Variants in C20orf173 observed in about 807,000 individuals in gnomAD.
C20orf173 encodes the protein uncharacterized protein C20orf173.
A neutral mutation model predicts 26.7 loss-of-function variants in C20orf173; 22 were observed. The ratio of observed to expected loss-of-function variants is 0.82; its 90% confidence interval spans 0.59 to 1.18. The LOEUF (loss-of-function observed/expected upper bound fraction) is 1.18. C20orf173 is among the 50% of genes most tolerant of loss of function. C20orf173 has a pLI of 0.00. For synonymous variants in C20orf173, 85 were observed against 96.4 expected, an observed-to-expected ratio of 0.88 and a Z score of 0.69; for missense variants, 210 against 250.3, an observed-to-expected ratio of 0.84 and a Z score of 1.09.
At chr20:35,528,179 C>T (rs2064517202) in intron 5 of C20orf173, 54 bp downstream of exon 5, 1 of 1,483,404 alleles carries the variant, frequency 6.7e-7, no homozygotes. Flanking sequence ...GACCTGGGGC[C>T]CTTCCCACAG....
chr20:35,529,410 G>T lies in C20orf173; in HGVS notation c.-37C>A. 2.7e-6 allele frequency: 4 copies of T among 1,493,752 alleles called. No homozygotes were observed. Among genetic ancestry groups the T allele is most frequent in the South Asian group, 2.6e-5 (2 of 75,646 alleles). The allele number at this position is 1,493,752 out of a possible 1,614,324, so 92.5% of individuals were successfully genotyped here. ...GCGGTGGCTCCCGTGGTGGGCCGTA[G>T]ACTGGCTTCTCTACCTGTAAGGATG... is the stretch of plus-strand genomic sequence containing the variant. On this transcript the variant is annotated 5_prime_UTR_variant, in exon 2 of 6. Transcript: ENST00000444723.
chr20:35,529,316 T>C lies in C20orf173; in HGVS notation c.58A>G (p.Met20Val), dbSNP rs1278746829. The C allele has an allele frequency of 3.9e-6, 6 of 1,551,034 alleles. No individual in the cohort carries two copies. In the South Asian group the frequency reaches 4.8e-5, roughly 12 times the overall value. Reference sequence around the variant, plus strand: ...GGTGTCAGATCCAGATAGGGGGTCATCAGCCAGAGGATGAGCACCCAAAAG... The same window carrying C: ...GGTGTCAGATCCAGATAGGGGGTCACCAGCCAGAGGATGAGCACCCAAAAG... ...WVFWVLILWL[M>V]TPYLDLTPES... The change falls in exon 2 of 6, where the codon ATG becomes GTG. Residue 20 changes from methionine (M) to valine (V), a missense_variant. Coordinates refer to ENST00000444723, the MANE Select transcript of C20orf173 (RefSeq NM_001145350.2).
chr20:35,527,621 T>C (rs541858218), intron 5 of C20orf173, among the ~76,000 whole-genome samples: 2 of 20,108 alleles, frequency 9.9e-5, no homozygotes, highest in South Asian at 6.6e-3. Flanking sequence ...AGAACATGTA[T>C]AGTCTTTTTT....
At chr20:35,523,321 C>T (rs1371015536), downstream of C20orf173, 1 of 152,248 alleles carries the variant, frequency 6.6e-6, no homozygotes, top group African/African-American at 2.4e-5. Flanking sequence ...GAATCATGAT[C>T]TCTGGCCCTG....
At chr20:35,521,881 T>A (rs546818227), downstream of C20orf173, 3 of 152,712 alleles carry the variant, frequency 2.0e-5, no homozygotes, top group Admixed American at 6.5e-5. Flanking sequence ...GTGCAGGGAT[T>A]ACAGGCGTGA....
Position 35,529,386 on chromosome 20 carries a change from C to A in C20orf173, c.-13G>T. On this transcript the variant is annotated 5_prime_UTR_variant, in exon 2 of 6. Coordinates refer to ENST00000444723, the MANE Select transcript of C20orf173 (RefSeq NM_001145350.2). ...GCCAGCGCTTCATGTCTGGCCCAGG[C>A]GGTGGCTCCCGTGGTGGGCCGTAGA... 1.3e-6 allele frequency: 2 copies of A among 1,521,476 alleles called. No individual in the cohort carries two copies. The highest frequency in any genetic ancestry group is 1.3e-5 in the South Asian group (1 of 79,980). 94.2% of individuals were successfully genotyped at this position (1,521,476 alleles called of 1,614,324 possible).
Position 35,527,158 on chromosome 20 carries a change from C to A in C20orf173, c.*118G>T, listed in dbSNP as rs748124959. The A allele has an allele frequency of 3.3e-5, 5 of 152,230 alleles. No homozygotes were observed. The highest frequency in any genetic ancestry group is 7.3e-5 in the Non-Finnish European group (5 of 68,066). The allele number at this position is 152,230 out of a possible 1,614,324, so 9.4% of individuals were successfully genotyped here. A position where few individuals can be genotyped will look rare whatever the true frequency, so the allele number is the denominator to read the frequency against. ...TTTCTGCTCCTGCACTAGACGTGGG[C>A]AGTATTTCCTTGGAGCCCTTGGTCT... On this transcript the variant is annotated 3_prime_UTR_variant, in exon 6 of 6. Coordinates refer to ENST00000444723, the MANE Select transcript of C20orf173 (RefSeq NM_001145350.2).
chr20:35,521,548 G>A (rs1296963255), downstream of C20orf173, among the ~76,000 whole-genome samples: 2 of 151,992 alleles, frequency 1.3e-5, no homozygotes, highest in Non-Finnish European at 2.9e-5. Flanking sequence ...GTCAGATCAT[G>A]TAGGGTGTTG....
At chr20:35,521,669 C>T (rs1341737522), downstream of C20orf173, among the ~76,000 whole-genome samples, 1 of 150,630 alleles carries the variant, frequency 6.6e-6, no homozygotes, top group Non-Finnish European at 1.5e-5. Flanking sequence ...AGTACAGTGG[C>T]ATGATCTTGG....
Position 35,528,231 on chromosome 20 carries a change from A to G in C20orf173, c.*25+2T>C. The stretch of plus-strand genomic sequence containing the variant: ...CCTACCCCTTTTCCTATTCCCCCTC[A>G]CCGTGTCTTTGCTATCTTCCACTCC... On this transcript the variant is annotated splice_donor_variant, in intron 5 of 5. Coordinates refer to ENST00000444723, the MANE Select transcript of C20orf173 (RefSeq NM_001145350.2). LOFTEE classifies it low-confidence loss of function (3UTR_SPLICE). 6.4e-7 allele frequency: 1 copy of G among 1,551,510 alleles called. No individual in the cohort carries two copies. The highest frequency in any genetic ancestry group is 8.7e-7 in the Non-Finnish European group (1 of 1,146,782).
chr20:35,523,542 CAGAA>C (rs1443660194), downstream of C20orf173, among the ~76,000 whole-genome samples: 4 of 152,206 alleles, frequency 2.6e-5, no homozygotes, highest in African/African-American at 7.2e-5. Context: ...GGCCTAGAGG[CAGAA>C]AGAAAGGGAG....
chr20:35,528,221 A>G lies in C20orf173; in HGVS notation c.*25+12T>C, dbSNP rs188485741. 130 of 1,550,048 alleles carry G rather than the reference A, an allele frequency of 8.4e-5. 1 individual carries two copies. The East Asian group carries it at 3.2e-3, about 38-fold the overall frequency. On this transcript the variant is annotated intron_variant, in intron 5 of 5. Transcript: ENST00000444723. Reference sequence around the variant, plus strand: ...ACAGCCACATCCTACCCCTTTTCCTATTCCCCCTCACCGTGTCTTTGCTAT... The same window carrying G: ...ACAGCCACATCCTACCCCTTTTCCTGTTCCCCCTCACCGTGTCTTTGCTAT...
At position 35,528,534 on chromosome 20, in the gene C20orf173, C is replaced by A; in HGVS notation, c.499G>T (p.Asp167Tyr). The change falls in exon 4 of 6, where the codon GAC (aspartate) becomes TAC (tyrosine). Residue 167 changes from aspartate (D) to tyrosine (Y), a missense_variant. Coordinates refer to ENST00000444723, the MANE Select transcript of C20orf173 (RefSeq NM_001145350.2). ...TCCAGCTGCATCCAGGAGCCCTGGT[C>A]GCTGGCATTCCTGGGATAGATGAAG... ...QYPVVFRNAS[D>Y]QGSWMQLEML... The A allele has an allele frequency of 6.4e-7, 1 of 1,551,644 alleles. No individual in the cohort carries two copies. Among genetic ancestry groups the A allele is most frequent in the South Asian group, 1.2e-5 (1 of 84,044 alleles).
downstream of C20orf173, among the ~76,000 whole-genome samples, chr20:35,524,407 TAC>T (rs777250638): frequency 6.3e-4 from 96 of 152,186 alleles, no homozygotes; most frequent in Non-Finnish European, 9.8e-4. Context: ...CATAAAATTT[TAC>T]AGTCAAAAAA....
downstream of C20orf173, chr20:35,522,910 A>C (rs2064483452): frequency 6.5e-6 from 1 of 152,726 alleles, no homozygotes; most frequent in Non-Finnish European, 1.5e-5. Flanking sequence ...GGTTCCACCT[A>C]CCTGTGGAAG....
chr20:35,529,060 C>T lies in C20orf173; in HGVS notation c.309+5G>A, dbSNP rs1472872951. On this transcript the variant is annotated splice_donor_5th_base_variant and intron_variant, in intron 2 of 5. Transcript: ENST00000444723. ...ATATGGCCGGGCCCAGTGTTGACCACTGACCAACCACCAGAGCACAGTGTC... is the reference window on the plus strand; with the variant it reads ...ATATGGCCGGGCCCAGTGTTGACCATTGACCAACCACCAGAGCACAGTGTC... 5 of 1,548,164 alleles carry T rather than the reference C, an allele frequency of 3.2e-6. No individual in the cohort carries two copies. Among genetic ancestry groups the T allele is most frequent in the East Asian group, 4.9e-5 (2 of 40,816 alleles).
In C20orf173 at chr20:35,528,763, G is replaced by C. The variant is rs749948418; in HGVS notation, c.426C>G (p.Arg142=). ...GGCTGGAGCCCTGCGGGATCTGTGG[G>C]CGCCCCAACAGCACACAAGTCCCAC... ...FYCGTCVLLG[R]PQIPQGSSLG... Residue 142 remains arginine, a synonymous_variant, in exon 3 of 6, where the codon CGC becomes CGG. Coordinates refer to ENST00000444723, the MANE Select transcript of C20orf173 (RefSeq NM_001145350.2). 6.5e-7 allele frequency: 1 copy of C among 1,548,848 alleles called. No individual in the cohort carries two copies. Among genetic ancestry groups the C allele is most frequent in the South Asian group, 1.2e-5 (1 of 83,894 alleles).
At position 35,529,329 on chromosome 20, in the gene C20orf173, G is replaced by A. The variant is rs1332930564; in HGVS notation, c.45C>T (p.Leu15=). The change falls in exon 2 of 6, where the codon CTC becomes CTT. Residue 15 remains leucine, a synonymous_variant. Transcript: ENST00000444723. ...QIFVLWVFWV[L]ILWLMTPYLD... is the part of the protein sequence containing the mutation. ...GATAGGGGGTCATCAGCCAGAGGAT[G>A]AGCACCCAAAAGACCCACAGGACAA... 3.2e-6 allele frequency: 5 copies of A among 1,550,194 alleles called. 1 individual carries two copies. In the East Asian group the frequency reaches 7.3e-5, roughly 23 times the overall value.
At chr20:35,526,628 CAAAAA>C (rs1286748298), downstream of C20orf173, among the ~76,000 whole-genome samples, 1 of 53,556 alleles carries the variant, frequency 1.9e-5, no homozygotes, top group African/African-American at 7.1e-5. Flanking sequence ...ACTCTTGTCT[CAAAAA>C]AAAAAAAAAA....
Sources: gnomAD v4.1 joint callset for allele counts (sites outside exome capture counted in the v4.1 genomes callset) on GRCh38, gnomAD v4.1.1 for gene constraint, MANE v1.5 for transcripts, NCBI Gene and HGNC (gene_info 2026-07-23, HGNC 2026-07-21) for gene names.